LRRC37A2: variants seen among roughly 807,000 people sequenced by gnomAD.
The protein encoded by LRRC37A2 is leucine rich repeat containing 37 member A2, also known as leucine-rich repeat-containing protein 37A2.
LRRC37A2 carries 9 observed loss-of-function variants against 68.8 expected under a neutral mutation model. The observed-to-expected ratio is 0.13, with a 90% CI of 0.08 to 0.23. LRRC37A2 has a LOEUF of 0.23. Among genes scored for constraint, LRRC37A2 ranks in the 10% least tolerant of loss-of-function variants. LRRC37A2 has a pLI of 1.00. For synonymous variants in LRRC37A2, 63 were observed against 367.6 expected, an observed-to-expected ratio of 0.17 and a Z score of 9.48; for missense variants, 168 against 950.4, an observed-to-expected ratio of 0.18 and a Z score of 10.82.
chr17:46,742,119 G>C, the LRRC37A2 span, among the ~76,000 whole-genome samples: 1 of 152,202 alleles, frequency 6.6e-6, no homozygotes, highest in Admixed American at 6.5e-5. Context: ...TCCTCTGCTA[G>C]AGAAGTCTGT....
chr17:46,833,935 C>T, the LRRC37A2 span, among the ~76,000 whole-genome samples: 8 of 152,252 alleles, frequency 5.3e-5, no homozygotes, highest in East Asian at 1.5e-3. Flanking sequence ...ATGGCTCATA[C>T]CTGTAATCCC....
the LRRC37A2 span, among the ~76,000 whole-genome samples, chr17:46,837,976 G>T: frequency 6.6e-6 from 1 of 152,142 alleles, no homozygotes; most frequent in Non-Finnish European, 1.5e-5. Context: ...CGTTTTCCAC[G>T]TGTACATCAC....
chr17:46,926,628 T>G, the LRRC37A2 span, among the ~76,000 whole-genome samples: 1 of 152,216 alleles, frequency 6.6e-6, no homozygotes, highest in Non-Finnish European at 1.5e-5. Flanking sequence ...ACTTCCAGTG[T>G]GTTATGTTGT....
At chr17:47,036,290 A>G in the LRRC37A2 span, among the ~76,000 whole-genome samples, 1 of 152,136 alleles carries the variant, frequency 6.6e-6, no homozygotes, top group Admixed American at 6.5e-5. Context: ...TGTCCCTTTC[A>G]TCTGTCTGAC....
At chr17:46,406,007 G>A in the LRRC37A2 span, among the ~76,000 whole-genome samples, 6 of 128,040 alleles carry the variant, frequency 4.7e-5, no homozygotes, top group South Asian at 2.9e-4. Flanking sequence ...GATACAGTTC[G>A]TAGCCACCTG....
the LRRC37A2 span, among the ~76,000 whole-genome samples, chr17:46,816,115 A>G: frequency 3.8e-5 from 1 of 26,346 alleles, no homozygotes; most frequent in Non-Finnish European, 7.1e-5. Flanking sequence ...GCGCACGTAC[A>G]CACACACACA....
the LRRC37A2 span, chr17:46,940,705 T>G: frequency 3.1e-6 from 5 of 1,607,154 alleles, no homozygotes. Flanking sequence ...CACCAGTGCT[T>G]TCCACACTTG....
At chr17:46,503,320 C>G in the LRRC37A2 span, among the ~76,000 whole-genome samples, 3 of 149,570 alleles carry the variant, frequency 2.0e-5, no homozygotes, top group Non-Finnish European at 2.9e-5. Context: ...TTTATTCATT[C>G]ACTCAATCAA....
chr17:46,749,323 A>C, the LRRC37A2 span, among the ~76,000 whole-genome samples: 1 of 152,326 alleles, frequency 6.6e-6, no homozygotes, highest in South Asian at 2.1e-4. Context: ...TTTACAGTTC[A>C]GTGTTGCATA....
At chr17:46,723,222 GT>G in the LRRC37A2 span, among the ~76,000 whole-genome samples, 2 of 152,234 alleles carry the variant, frequency 1.3e-5, no homozygotes, top group Non-Finnish European at 2.9e-5. Flanking sequence ...CAGCCAGGCT[GT>G]GGTGTTCCAG....
At chr17:46,988,812 A>G in the LRRC37A2 span, among the ~76,000 whole-genome samples, 1 of 152,216 alleles carries the variant, frequency 6.6e-6, no homozygotes, top group African/African-American at 2.4e-5. Flanking sequence ...CATTCACTGA[A>G]CACGTACTGA....
chr17:46,868,413 G>A, the LRRC37A2 span, among the ~76,000 whole-genome samples: 1 of 151,828 alleles, frequency 6.6e-6, no homozygotes, highest in African/African-American at 2.4e-5. Flanking sequence ...CCAACATGGC[G>A]AAACCCCATC....
At chr17:46,915,377 A>G in the LRRC37A2 span, among the ~76,000 whole-genome samples, 2 of 152,212 alleles carry the variant, frequency 1.3e-5, 1 homozygote, top group South Asian at 4.1e-4. Flanking sequence ...TGCTGCAAGA[A>G]GCTGAGTGGA....
chr17:46,749,668 C>T, the LRRC37A2 span: 18 of 1,087,196 alleles, frequency 1.7e-5, no homozygotes, highest in Admixed American at 5.1e-5. Flanking sequence ...TCATTTGCAT[C>T]GGCAAGATTA....
chr17:47,031,067 C>A, the LRRC37A2 span, among the ~76,000 whole-genome samples: 3 of 151,300 alleles, frequency 2.0e-5, no homozygotes, highest in African/African-American at 4.9e-5. Context: ...GAAATCATCC[C>A]TGGGTTCCAA....
At chr17:46,743,596 A>C in the LRRC37A2 span, among the ~76,000 whole-genome samples, 1 of 152,192 alleles carries the variant, frequency 6.6e-6, no homozygotes, top group East Asian at 1.9e-4. Flanking sequence ...GACTTGCCTC[A>C]CCATTGCTTT....
chr17:46,743,513 T>C, the LRRC37A2 span, among the ~76,000 whole-genome samples: 8 of 152,206 alleles, frequency 5.3e-5, no homozygotes, highest in Non-Finnish European at 1.0e-4. Context: ...AGTTAAATAA[T>C]CTACCCCAAA....
chr17:46,826,648 G>T, the LRRC37A2 span, among the ~76,000 whole-genome samples: 1 of 152,168 alleles, frequency 6.6e-6, no homozygotes, highest in South Asian at 2.1e-4. Flanking sequence ...TGCAAAATGG[G>T]TATAATAACA....
the LRRC37A2 span, chr17:46,773,619 T>TGGGGGGGGGCGGGGGGGGGGGGGGGG: frequency 1.8e-6 from 1 of 549,848 alleles, no homozygotes. Flanking sequence ...ACAGTCCTGA[T>TGGGGGGGGGCGGGGGGGGGGGGGGGG]CCCTCCCCCC....
Sources: gnomAD v4.1 joint callset for allele counts (sites outside exome capture counted in the v4.1 genomes callset) on GRCh38, gnomAD v4.1.1 for gene constraint, MANE v1.5 for transcripts, NCBI Gene and HGNC (gene_info 2026-07-23, HGNC 2026-07-21) for gene names.